The following KIF16B variants were observed in gnomAD, a reference collection of about 807,000 sequenced individuals.
KIF16B encodes the protein kinesin-like protein KIF16B.
In KIF16B, 98 loss-of-function variants were observed where a neutral mutation model predicts 156.3. The ratio of observed to expected loss-of-function variants is 0.63; its 90% CI spans 0.53 to 0.74. The LOEUF is 0.74. KIF16B is among the 30% of genes least tolerant of loss of function. The pLI, the probability that KIF16B is intolerant of heterozygous loss-of-function variation, is 0.00. For synonymous variants in KIF16B, 564 were observed against 583.7 expected, an observed-to-expected ratio of 0.97 and a Z score of 0.49; for missense variants, 1,421 against 1,606.5, an observed-to-expected ratio of 0.88 and a Z score of 1.97.
intron 15 of KIF16B, among the ~76,000 whole-genome samples, chr20:16,410,179 A>G (rs1033114225): frequency 6.9e-6 from 1 of 145,508 alleles, no homozygotes; most frequent in Non-Finnish European, 1.5e-5. Context: ...ACATATATAT[A>G]TGTAGGTACA....
At chr20:16,312,298 C>T in intron 25 of KIF16B, 37 bp downstream of exon 25, 1 of 1,455,160 alleles carries the variant, frequency 6.9e-7, no homozygotes, top group Non-Finnish European at 9.6e-7. Flanking sequence ...GGTACATTTT[C>T]TACATACACA....
chr20:16,456,708 T>C (rs760897317), intron 12 of KIF16B, among the ~76,000 whole-genome samples: 4 of 152,194 alleles, frequency 2.6e-5, no homozygotes, highest in Non-Finnish European at 4.4e-5. Flanking sequence ...CGCTATGCTC[T>C]ACTACTCAGT....
chr20:16,314,218 T>C (rs2063662911), intron 24 of KIF16B, among the ~76,000 whole-genome samples: 2 of 152,248 alleles, frequency 1.3e-5, no homozygotes, highest in African/African-American at 4.8e-5. Flanking sequence ...GACATCTGGT[T>C]AGTCATTTTT....
chr20:16,568,228 G>A (rs1258831703), intron 1 of KIF16B, among the ~76,000 whole-genome samples: 2 of 151,460 alleles, frequency 1.3e-5, no homozygotes, highest in East Asian at 3.9e-4. Context: ...AGGCTAATCA[G>A]GAAGAAAGGC....
At chr20:16,461,851 A>C (rs1359342632) in intron 12 of KIF16B, among the ~76,000 whole-genome samples, 1 of 152,236 alleles carries the variant, frequency 6.6e-6, no homozygotes, top group African/African-American at 2.4e-5. Flanking sequence ...TAACGAAGGC[A>C]GTTATTTGAG....
chr20:16,530,948 G>A (rs929205516), intron 1 of KIF16B, among the ~76,000 whole-genome samples: 11 of 151,978 alleles, frequency 7.2e-5, no homozygotes, highest in African/African-American at 9.7e-5. Flanking sequence ...CAATCCACCC[G>A]CCTCGACCTC....
rs531812188 is a variant in KIF16B, at chr20:16,481,138, T to C, written c.1302+13153A>G. 3.3e-5 allele frequency among the ~76,000 whole-genome samples: 5 copies of C among 152,288 alleles called. No individual in the cohort carries two copies. In the East Asian group the frequency reaches 9.6e-4, roughly 29 times the overall value. ...TCATTCTCCTTTCACGTGTCTGCGG[T>C]AGGCTGAGAAAACTGTCTTTTTAAA... On this transcript the variant is annotated intron_variant, in intron 12 of 25. Transcript: ENST00000354981.
At chr20:16,508,804 T>A (rs1044423702) in intron 6 of KIF16B, among the ~76,000 whole-genome samples, 5 of 152,212 alleles carry the variant, frequency 3.3e-5, no homozygotes, top group African/African-American at 1.2e-4. Flanking sequence ...TCATAGCACA[T>A]ACAAGAAAAA....
At chr20:16,279,963 A>G (rs1388635190) in intron 25 of KIF16B, among the ~76,000 whole-genome samples, 1 of 152,234 alleles carries the variant, frequency 6.6e-6, no homozygotes, top group African/African-American at 2.4e-5. Context: ...CACCTCAATT[A>G]GTTTATGCAT....
At chr20:16,557,241 C>T (rs1384883188) in intron 1 of KIF16B, among the ~76,000 whole-genome samples, 1 of 151,714 alleles carries the variant, frequency 6.6e-6, no homozygotes, top group Non-Finnish European at 1.5e-5. Context: ...AGTGCAGTGG[C>T]GCAATCTCGG....
intron 15 of KIF16B, among the ~76,000 whole-genome samples, chr20:16,408,838 C>T (rs1441847855): frequency 1.3e-5 from 2 of 152,092 alleles, no homozygotes; most frequent in Non-Finnish European, 2.9e-5. Context: ...GTTTCCTTCC[C>T]TTTCTTCTTC....
intron 12 of KIF16B, among the ~76,000 whole-genome samples, chr20:16,442,115 G>A (rs2146534443): frequency 6.6e-6 from 1 of 152,280 alleles, no homozygotes; most frequent in East Asian, 1.9e-4. Context: ...GTGGTTGTAG[G>A]AGAGGGTTGG....
intron 25 of KIF16B, among the ~76,000 whole-genome samples, chr20:16,286,377 A>G (rs1227745274): frequency 1.3e-5 from 2 of 152,126 alleles, no homozygotes; most frequent in Non-Finnish European, 2.9e-5. Context: ...GCAGTGTTGG[A>G]GAGTAGACAT....
chr20:16,479,508 T>TTA (rs2067918005), intron 12 of KIF16B, among the ~76,000 whole-genome samples: 1 of 143,686 alleles, frequency 7.0e-6, no homozygotes, highest in South Asian at 2.1e-4. Context: ...CACATGTACC[T>TTA]CAGAACTTTA....
At chr20:16,497,741 T>C in intron 10 of KIF16B, 63 bp from the exon 11 acceptor site, 3 of 1,216,524 alleles carry the variant, frequency 2.5e-6, no homozygotes, top group Admixed American at 2.0e-5. Flanking sequence ...GGTTTTTCCC[T>C]GAATATAGTA....
intron 12 of KIF16B, among the ~76,000 whole-genome samples, chr20:16,468,173 T>A (rs927360743): frequency 6.6e-6 from 1 of 152,128 alleles, no homozygotes; most frequent in African/African-American, 2.4e-5. Context: ...AGTAAAGACC[T>A]GGAAAAAGAA....
At chr20:16,409,921 C>T (rs564482884) in intron 15 of KIF16B, among the ~76,000 whole-genome samples, 7 of 134,174 alleles carry the variant, frequency 5.2e-5, no homozygotes, top group East Asian at 2.3e-4. Flanking sequence ...TCTGGGATGT[C>T]GATCTACCTT....
At chr20:16,517,493 G>A (rs1332177588) in intron 3 of KIF16B, among the ~76,000 whole-genome samples, 1 of 152,214 alleles carries the variant, frequency 6.6e-6, no homozygotes, top group Non-Finnish European at 1.5e-5. Flanking sequence ...ACCCATTGAT[G>A]AGGAAGCTGA....
At chr20:16,447,944 G>A (rs2146577629) in intron 12 of KIF16B, among the ~76,000 whole-genome samples, 2 of 152,248 alleles carry the variant, frequency 1.3e-5, no homozygotes, top group Admixed American at 1.3e-4. Context: ...ACAAGACTCT[G>A]TCTCTTTAAT....
Sources: allele counts gnomAD v4.1 joint callset (sites outside exome capture counted in the v4.1 genomes callset), GRCh38; gene constraint gnomAD v4.1.1; transcripts MANE v1.5; gene names NCBI Gene and HGNC (gene_info 2026-07-23, HGNC 2026-07-21).